XPO6: variants seen among roughly 807,000 people sequenced by gnomAD.
XPO6 encodes exportin 6.
In XPO6, 3 loss-of-function variants were observed where a neutral mutation model predicts 130.0. The observed-to-expected ratio is 0.02, with a 90% CI of 0.01 to 0.06. The LOEUF (loss-of-function observed/expected upper bound fraction) is 0.06, where lower values mean the gene tolerates loss of function less well. XPO6 is among the 10% of genes least tolerant of loss of function. The pLI, the probability that XPO6 is intolerant of heterozygous loss-of-function variation, is 1.00. For synonymous variants in XPO6, 524 were observed against 548.9 expected, an observed-to-expected ratio of 0.95 and a Z score of 0.63; for missense variants, 970 against 1,393.0, an observed-to-expected ratio of 0.70 and a Z score of 4.83.
intron 6 of XPO6, among the ~76,000 whole-genome samples, chr16:28,165,832 T>C (rs1439947750): frequency 6.6e-6 from 1 of 152,210 alleles, no homozygotes; most frequent in Non-Finnish European, 1.5e-5. Context: ...ACAGCAGCAT[T>C]TAGAAACTAA....
intron 16 of XPO6, 37 bp downstream of exon 16, chr16:28,112,867 C>T (rs777238736): frequency 1.3e-6 from 2 of 1,588,968 alleles, no homozygotes; most frequent in South Asian, 1.1e-5. Flanking sequence ...CTCAGTCACA[C>T]AGCCCTGGGG....
Position 28,133,941 on chromosome 16 carries a change from G to T in XPO6, c.1444-8C>A, listed in dbSNP as rs1484397456. 1 of 1,613,572 alleles carries T rather than the reference G, an allele frequency of 6.2e-7. No individual in the cohort carries two copies. Among genetic ancestry groups the T allele is most frequent in the Non-Finnish European group, 8.5e-7 (1 of 1,179,862 alleles). ...CTGCCACTCCGTCTGCTGCTGTAGGGGAAGCACAGGAGAATCAGCTCTCCC... is the reference window on the plus strand; with the variant it reads ...CTGCCACTCCGTCTGCTGCTGTAGGTGAAGCACAGGAGAATCAGCTCTCCC... On this transcript the variant is annotated splice_region_variant and splice_polypyrimidine_tract_variant and intron_variant, in intron 10 of 23. Transcript: ENST00000304658.
intron 6 of XPO6, among the ~76,000 whole-genome samples, chr16:28,163,955 T>C (rs1310209046): frequency 6.6e-6 from 1 of 152,118 alleles, no homozygotes; most frequent in Non-Finnish European, 1.5e-5. Context: ...TTGCAGCCAG[T>C]TTAGGAGTTA....
chr16:28,105,833 A>T (rs1220931436), intron 20 of XPO6: 6 of 690,090 alleles, frequency 8.7e-6, no homozygotes, highest in Non-Finnish European at 1.4e-5. Flanking sequence ...AATAACTGCC[A>T]TGCTTACACT....
intron 1 of XPO6, among the ~76,000 whole-genome samples, chr16:28,203,559 CA>C (rs1180962214): frequency 1.3e-5 from 2 of 152,188 alleles, no homozygotes; most frequent in Non-Finnish European, 1.5e-5. Flanking sequence ...AGCCACATCC[CA>C]TATTTCATCA....
In XPO6 at chr16:28,178,146, A is replaced by G. The variant is rs116079837; in HGVS notation, c.95-814T>C. Among the ~76,000 whole-genome samples, 495 of 152,338 alleles carry G rather than the reference A, an allele frequency of 3.2e-3. 3 individuals carry two copies. Among genetic ancestry groups the G allele is most frequent in the African/African-American group, 0.011 (467 of 41,578 alleles). On this transcript the variant is annotated intron_variant, in intron 2 of 23. Coordinates refer to ENST00000304658, the MANE Select transcript of XPO6 (RefSeq NM_015171.4). The stretch of plus-strand genomic sequence containing the variant: ...AAAAAGGGTAAAAGTGCAAAGGCCC[A>G]CAACCTTGAGAGATTCTAGAAAGCC...
chr16:28,174,708 T>G (rs74014239), intron 4 of XPO6, among the ~76,000 whole-genome samples: 8,254 of 152,292 alleles, frequency 0.054, 571 homozygotes, highest in East Asian at 0.17. Context: ...GCTGCATCAT[T>G]AAAATGGTTT....
intron 21 of XPO6, among the ~76,000 whole-genome samples, chr16:28,102,853 G>A (rs968919784): frequency 6.6e-6 from 1 of 152,184 alleles, no homozygotes; most frequent in South Asian, 2.1e-4. Context: ...CATGGGGGCA[G>A]TCGGGGAGGC....
chr16:28,169,263 G>T (rs1158926346), intron 5 of XPO6, among the ~76,000 whole-genome samples: 1 of 152,120 alleles, frequency 6.6e-6, no homozygotes, highest in Non-Finnish European at 1.5e-5. Flanking sequence ...TTTACACCTT[G>T]TCATGAGGCT....
At position 28,156,508 on chromosome 16, in the gene XPO6, C is replaced by A; in HGVS notation, c.663G>T (p.Leu221=). The A allele has an allele frequency of 6.4e-7, 1 of 1,562,180 alleles. No individual in the cohort carries two copies. Among genetic ancestry groups the A allele is most frequent in the South Asian group, 1.2e-5 (1 of 84,020 alleles). Reference sequence around the variant, plus strand: ...GTTTGGCTGAACTGGGACTCTGCAACAGGTTACTCAGTAAGTCACCTGAAA... The same window carrying A: ...GTTTGGCTGAACTGGGACTCTGCAAAAGGTTACTCAGTAAGTCACCTGAAA... The part of the protein sequence containing the change: ...SGESGDLLSN[L]LQSPSSAKLL... Residue 221 remains leucine, a synonymous_variant, in exon 7 of 24, where the codon CTG becomes CTT. Coordinates refer to ENST00000304658, the MANE Select transcript of XPO6 (RefSeq NM_015171.4).
chr16:28,123,574 T>C (rs2087306985), intron 13 of XPO6, among the ~76,000 whole-genome samples: 1 of 152,202 alleles, frequency 6.6e-6, no homozygotes, highest in Non-Finnish European at 1.5e-5. Context: ...AAACTTGTAT[T>C]TGTATTTCTG....
At chr16:28,171,550 C>T (rs1370870024) in intron 4 of XPO6, among the ~76,000 whole-genome samples, 1 of 152,000 alleles carries the variant, frequency 6.6e-6, no homozygotes, top group Non-Finnish European at 1.5e-5. Flanking sequence ...GAAAAGCTCA[C>T]CCCTAAAGAA....
intron 9 of XPO6, among the ~76,000 whole-genome samples, chr16:28,144,573 G>A (rs528864292): frequency 6.6e-6 from 1 of 152,210 alleles, no homozygotes; most frequent in African/African-American, 2.4e-5. Flanking sequence ...ACCACATCTA[G>A]GTCCTGTTTA....
At chr16:28,181,106 C>T (rs2043607830) in intron 1 of XPO6, 75 bp from the exon 2 acceptor site, 1 of 1,100,210 alleles carries the variant, frequency 9.1e-7, no homozygotes. Context: ...TTCTAGGTCA[C>T]ATTCAACAGC....
In XPO6 at chr16:28,164,041, A is replaced by G. The variant is rs376931930; in HGVS notation, c.643+2467T>C. Reference sequence around the variant, plus strand: ...TCAAACTTTTTTCTACATCCAGACTATTAAAGGAGTTGTTGCAGGAACTAG... The same window carrying G: ...TCAAACTTTTTTCTACATCCAGACTGTTAAAGGAGTTGTTGCAGGAACTAG... On this transcript the variant is annotated intron_variant, in intron 6 of 23. Transcript: ENST00000304658. 8.5e-5 allele frequency among the ~76,000 whole-genome samples: 13 copies of G among 152,302 alleles called. No individual in the cohort carries two copies. In the East Asian group the frequency reaches 1.7e-3, roughly 20 times the overall value.
At chr16:28,149,057 A>AAAAAAAAAC (rs2043036647) in intron 8 of XPO6, among the ~76,000 whole-genome samples, 1 of 135,530 alleles carries the variant, frequency 7.4e-6, no homozygotes, top group Non-Finnish European at 1.6e-5. Flanking sequence ...AAAAAAGAAA[A>AAAAAAAAAC]TAAAAAAAAA....
chr16:28,203,982 T>C (rs1003040940), intron 1 of XPO6, among the ~76,000 whole-genome samples: 1 of 152,204 alleles, frequency 6.6e-6, no homozygotes, highest in Non-Finnish European at 1.5e-5. Flanking sequence ...ACTACCTTGA[T>C]AGCCTTCTCT....
intron 9 of XPO6, among the ~76,000 whole-genome samples, chr16:28,138,295 T>C (rs1185081065): frequency 6.6e-6 from 1 of 152,164 alleles, no homozygotes; most frequent in African/African-American, 2.4e-5. Flanking sequence ...TCAAAATATT[T>C]CCACAATTCT....
intron 1 of XPO6, among the ~76,000 whole-genome samples, chr16:28,210,447 T>C (rs1260332172): frequency 6.6e-6 from 1 of 152,358 alleles, no homozygotes. Flanking sequence ...GGGCTTACTA[T>C]GTGCCAGGAG....
Sources: gnomAD v4.1 joint callset for allele counts (sites outside exome capture counted in the v4.1 genomes callset) on GRCh38, gnomAD v4.1.1 for gene constraint, MANE v1.5 for transcripts, NCBI Gene and HGNC (gene_info 2026-07-23, HGNC 2026-07-21) for gene names.